CXADR: variants seen among roughly 807,000 people sequenced by gnomAD.
The protein encoded by CXADR is coxsackievirus and adenovirus receptor.
A neutral mutation model predicts 40.3 loss-of-function variants in CXADR; 20 were observed. The ratio of observed to expected loss-of-function variants is 0.50; its 90% CI spans 0.35 to 0.72. The LOEUF is 0.72. CXADR is among the 30% of genes least tolerant of loss of function. The pLI is 0.01. For missense variants in CXADR, 332 were observed against 449.1 expected (o/e 0.74, Z 2.36); for synonymous variants, 150 against 161.3 (o/e 0.93, Z 0.53).
chr21:17,592,975 T>TGGCC (rs1411811728), intron 7 of CXADR, among the ~76,000 whole-genome samples: 3 of 151,964 alleles, frequency 2.0e-5, no homozygotes, highest in Middle Eastern at 3.2e-3. Flanking sequence ...GGAATAGCCA[T>TGGCC]GGCCATTCAA....
Position 17,565,757 on chromosome 21 carries a change from T to G in CXADR, c.*65T>G. On this transcript the variant is annotated 3_prime_UTR_variant, in exon 7 of 7. Coordinates refer to ENST00000284878, the MANE Select transcript of CXADR (RefSeq NM_001338.5). Reference sequence around the variant, plus strand: ...CCTTTTTTTGATATATGAAAACCTATTCTGGTCTAAATTGTGTTACTAGCC... The same window carrying G: ...CCTTTTTTTGATATATGAAAACCTAGTCTGGTCTAAATTGTGTTACTAGCC... 6.4e-7 allele frequency: 1 copy of G among 1,558,544 alleles called. No homozygotes were observed. The highest frequency in any genetic ancestry group is 8.7e-7 in the Non-Finnish European group (1 of 1,153,420).
At chr21:17,594,189 TTTA>T, downstream of CXADR, 1 of 1,613,302 alleles carries the variant, frequency 6.2e-7, no homozygotes, top group African/African-American at 1.3e-5. Flanking sequence ...GGCGATATGG[TTTA>T]TTTTTTCTTC....
chr21:17,525,819 A>AT (rs1463746478), intron 1 of CXADR, among the ~76,000 whole-genome samples: 1 of 152,236 alleles, frequency 6.6e-6, no homozygotes, highest in Non-Finnish European at 1.5e-5. Flanking sequence ...ATTCTCATGT[A>AT]TAGGAAACAA....
chr21:17,612,882 G>A, the CXADR span: 4 of 152,136 alleles, frequency 2.6e-5, no homozygotes, highest in East Asian at 7.8e-4. Flanking sequence ...ACTGGCGGGC[G>A]GACGAGCGCG....
Position 17,551,885 on chromosome 21 carries a change from G to A in CXADR, c.347G>A (p.Gly116Asp), listed in dbSNP as rs1203582334. 1.2e-6 allele frequency: 2 copies of A among 1,613,856 alleles called. No homozygotes were observed. The highest frequency in any genetic ancestry group is 4.5e-5 in the East Asian group (2 of 44,856). Residue 116 changes from glycine (G) to aspartate (D), a missense_variant, in exon 3 of 7, where the codon GGC (glycine) becomes GAC (aspartate). Transcript: ENST00000284878. ...ACGAATTTACAACTGTCAGATATTG[G>A]CACATATCAGTGCAAAGTGAAAAAA... ...NVTNLQLSDIGTYQCKVKKAP... is the reference protein window; with the variant it reads ...NVTNLQLSDIDTYQCKVKKAP...
intron 7 of CXADR, among the ~76,000 whole-genome samples, chr21:17,589,703 A>G (rs1300978970): frequency 6.6e-6 from 1 of 151,686 alleles, no homozygotes; most frequent in Non-Finnish European, 1.5e-5. Flanking sequence ...GGCTTTTGTT[A>G]TTTTTGCCAC....
At chr21:17,610,954 C>T in the CXADR span, among the ~76,000 whole-genome samples, 2 of 152,138 alleles carry the variant, frequency 1.3e-5, no homozygotes, top group Non-Finnish European at 2.9e-5. Flanking sequence ...GGTGTGCTGG[C>T]AGCCGCAGAT....
At chr21:17,530,825 A>G (rs2060664599) in intron 1 of CXADR, among the ~76,000 whole-genome samples, 1 of 152,202 alleles carries the variant, frequency 6.6e-6, no homozygotes, top group Admixed American at 6.5e-5. Context: ...AAAAAAAGAA[A>G]AAGAAAATAC....
downstream of CXADR, among the ~76,000 whole-genome samples, chr21:17,598,460 C>T (rs1028062128): frequency 2.0e-5 from 3 of 152,122 alleles, no homozygotes; most frequent in Non-Finnish European, 4.4e-5. Context: ...TGCCTATTTA[C>T]GTGCCAGAGA....
At chr21:17,564,842 C>G (rs1225717135) in intron 6 of CXADR, among the ~76,000 whole-genome samples, 3 of 152,278 alleles carry the variant, frequency 2.0e-5, no homozygotes, top group African/African-American at 7.2e-5. Context: ...TCAAGCGATT[C>G]TCCTGCCTCA....
intron 7 of CXADR, among the ~76,000 whole-genome samples, chr21:17,583,999 C>G (rs910802734): frequency 8.5e-5 from 13 of 152,104 alleles, no homozygotes; most frequent in Non-Finnish European, 1.9e-4. Context: ...TTAGTGCTTT[C>G]GAGGCTTGCA....
the CXADR span, chr21:17,608,824 A>C: frequency 1.3e-6 from 1 of 751,664 alleles, no homozygotes; most frequent in South Asian, 3.2e-5. Flanking sequence ...TTTTAAAATG[A>C]GTAAGGAGAA....
Position 17,566,957 on chromosome 21 carries a change from A to AG in CXADR, c.*1265_*1266insG, listed in dbSNP as rs1474787872. 1.0e-6 allele frequency: 1 copy of AG among 975,838 alleles called. No homozygotes were observed. The highest frequency in any genetic ancestry group is 6.2e-5 in the Admixed American group (1 of 16,126). The allele number at this position is 975,838 out of a possible 1,614,324, so 60.4% of individuals were successfully genotyped here. The stretch of plus-strand genomic sequence containing the variant: ...AGGTGATTTATTCTTAAAAAAAAAA[A>AG]AGAAAGAAAAAGAAAAAAAGATAAG... On this transcript the variant is annotated 3_prime_UTR_variant, in exon 7 of 7. Coordinates refer to ENST00000284878, the MANE Select transcript of CXADR (RefSeq NM_001338.5).
intron 6 of CXADR, among the ~76,000 whole-genome samples, chr21:17,563,518 G>T (rs922752202): frequency 3.3e-5 from 5 of 152,030 alleles, no homozygotes; most frequent in East Asian, 1.9e-4. Flanking sequence ...CCCCAAAACA[G>T]TTAAAATAGT....
intron 3 of CXADR, among the ~76,000 whole-genome samples, chr21:17,552,922 A>G (rs1353919807): frequency 1.3e-5 from 2 of 151,980 alleles, no homozygotes; most frequent in Non-Finnish European, 2.9e-5. Context: ...TTTTAATTTA[A>G]TTTAATATTA....
At chr21:17,613,595 C>A in the CXADR span, 1 of 152,284 alleles carries the variant, frequency 6.6e-6, no homozygotes, top group East Asian at 1.9e-4. Context: ...AGGAGAGGCT[C>A]CAAAGATGTT....
chr21:17,593,087 TA>T, intron 7 of CXADR: 1 of 1,268,884 alleles, frequency 7.9e-7, no homozygotes, highest in Non-Finnish European at 1.0e-6. Flanking sequence ...TCTTAGTTTT[TA>T]AAAATTTACC....
chr21:17,610,290 G>A, the CXADR span, among the ~76,000 whole-genome samples: 1 of 152,122 alleles, frequency 6.6e-6, no homozygotes, highest in Non-Finnish European at 1.5e-5. Context: ...TAAAACCATT[G>A]AACTGTACAT....
At chr21:17,517,658 T>G (rs1176743322) in intron 1 of CXADR, among the ~76,000 whole-genome samples, 1 of 152,026 alleles carries the variant, frequency 6.6e-6, no homozygotes, top group African/African-American at 2.4e-5. Context: ...TCTACCAAAC[T>G]GTAAAATCGG....
Sources: gnomAD v4.1 joint callset for allele counts (sites outside exome capture counted in the v4.1 genomes callset) on GRCh38, gnomAD v4.1.1 for gene constraint, MANE v1.5 for transcripts, NCBI Gene and HGNC (gene_info 2026-07-23, HGNC 2026-07-21) for gene names.